Variants in SLC4A7 observed in about 807,000 individuals in gnomAD.
SLC4A7 encodes the protein sodium bicarbonate cotransporter 3.
A neutral mutation model predicts 137.6 loss-of-function variants in SLC4A7; 51 were observed. The ratio of observed to expected loss-of-function variants is 0.37; its 90% confidence interval spans 0.30 to 0.47. The LOEUF (loss-of-function observed/expected upper bound fraction) is 0.47, where lower values mean the gene tolerates loss of function less well. Among genes scored for constraint, SLC4A7 ranks in the 20% least tolerant of loss-of-function variants. The pLI is 1.00. For synonymous variants in SLC4A7, 542 were observed against 518.6 expected (o/e 1.05, Z -0.61); for missense variants, 1,247 against 1,525.4 (o/e 0.82, Z 3.04).
At chr3:27,452,795 T>C (rs995722291) in intron 1 of SLC4A7, among the ~76,000 whole-genome samples, 1 of 152,188 alleles carries the variant, frequency 6.6e-6, no homozygotes, top group African/African-American at 2.4e-5. Flanking sequence ...ACAGACCTTC[T>C]AGGGTCAGAG....
rs533741971 is a variant in SLC4A7 at position 27,431,522 on chromosome 3, G to A, written c.926C>T (p.Thr309Ile). ...RAGTPAGSRC[T>I]TPVPTPQNSP... ...GTTTTGAGGGGTGGGTACTGGGGTT[G>A]TACACCTTGAGCCTGCAGGGGTTCC... The change falls in exon 7 of 26, where the codon ACA becomes ATA. Residue 309 changes from threonine to isoleucine, a missense_variant. Physicochemically the swap from Thr to Ile is moderately conservative, Grantham distance 89. This residue lies in a region of SLC4A7 where 223 missense variants were observed against 203.6 expected (regional missense o/e 1.10). Coordinates refer to ENST00000454389, the MANE Select transcript of SLC4A7 (RefSeq NM_001321103.2). 2 of 1,614,118 alleles carry A rather than the reference G, an allele frequency of 1.2e-6. No homozygotes were observed. The highest frequency in any genetic ancestry group is 2.2e-5 in the South Asian group (2 of 91,074).
intron 14 of SLC4A7, among the ~76,000 whole-genome samples, chr3:27,404,305 T>G (rs982582327): frequency 6.6e-6 from 1 of 152,196 alleles, no homozygotes; most frequent in Non-Finnish European, 1.5e-5. Flanking sequence ...AGGCAGAGGT[T>G]GCAGTGAGCC....
intron 12 of SLC4A7, among the ~76,000 whole-genome samples, chr3:27,410,611 A>G (rs919848773): frequency 2.0e-5 from 3 of 152,216 alleles, no homozygotes; most frequent in African/African-American, 7.2e-5. Flanking sequence ...AATCTACAGT[A>G]TATCATCAAA....
chr3:27,393,287 C>A (rs1436061385), intron 20 of SLC4A7, among the ~76,000 whole-genome samples: 1 of 152,064 alleles, frequency 6.6e-6, no homozygotes, highest in Non-Finnish European at 1.5e-5. Flanking sequence ...CATAAAAGTA[C>A]AAAAACCAAA....
In SLC4A7 at chr3:27,374,937, G is replaced by A. The variant is rs116233344; in HGVS notation, c.*1827C>T. ...AATGGAAGCTCATAAACAATAATAAGCACCGTGGGTAATACTCTATCAATT... is the reference window on the plus strand; with the variant it reads ...AATGGAAGCTCATAAACAATAATAAACACCGTGGGTAATACTCTATCAATT... On this transcript the variant is annotated 3_prime_UTR_variant, in exon 26 of 26. Transcript: ENST00000454389. 1.3e-5 allele frequency: 2 copies of A among 152,504 alleles called. No homozygotes were observed. The highest frequency in any genetic ancestry group is 6.5e-5 in the Admixed American group (1 of 15,272). The allele number at this position is 152,504 out of a possible 1,614,324, so 9.4% of individuals were successfully genotyped here.
chr3:27,464,470 G>C (rs563224108), intron 1 of SLC4A7, among the ~76,000 whole-genome samples: 12 of 152,192 alleles, frequency 7.9e-5, no homozygotes, highest in Non-Finnish European at 1.6e-4. Context: ...CACTTTGGGA[G>C]GCCGAGGCAG....
chr3:27,459,794 AT>A (rs1423141933), intron 1 of SLC4A7, among the ~76,000 whole-genome samples: 1 of 152,072 alleles, frequency 6.6e-6, no homozygotes, highest in African/African-American at 2.4e-5. Context: ...ATATAATTAC[AT>A]TCTGTTGTGT....
intron 11 of SLC4A7, among the ~76,000 whole-genome samples, chr3:27,415,202 G>T (rs1450702330): frequency 1.3e-5 from 2 of 152,290 alleles, no homozygotes; most frequent in South Asian, 2.1e-4. Flanking sequence ...GTTTTGGGTG[G>T]CCAGATGCAT....
At chr3:27,396,115 T>C (rs2052134028) in intron 18 of SLC4A7, among the ~76,000 whole-genome samples, 2 of 152,198 alleles carry the variant, frequency 1.3e-5, no homozygotes. Context: ...CAACTTGGTA[T>C]TAAGCTTGTT....
In SLC4A7 at chr3:27,468,776, C is replaced by T. The variant is rs545565912; in HGVS notation, c.60+15291G>A. 7.2e-5 allele frequency among the ~76,000 whole-genome samples: 11 copies of T among 152,094 alleles called. No individual in the cohort carries two copies. In the South Asian group the frequency reaches 2.3e-3, roughly 32 times the overall value. ...AACAAGATGTTGCATGCAATGAATA[C>T]AGTTTAGAAACATTTCTGGTACAAT... On this transcript the variant is annotated intron_variant, in intron 1 of 25. Transcript: ENST00000454389.
Position 27,448,646 on chromosome 3 carries a change from C to G in SLC4A7, c.289+5G>C, listed in dbSNP as rs143173791. On this transcript the variant is annotated splice_donor_5th_base_variant and intron_variant, in intron 3 of 25. Coordinates refer to ENST00000454389, the MANE Select transcript of SLC4A7 (RefSeq NM_001321103.2). ...AACTGCTAAAGAAGAACTGTTTTCT[C>G]TTACCATAAGAAGGAGATTCCCGTC... 54 of 1,606,380 alleles carry G rather than the reference C, an allele frequency of 3.4e-5. No individual in the cohort carries two copies. In the African/African-American group the frequency reaches 6.3e-4, roughly 19 times the overall value.
intron 8 of SLC4A7, 190 bp downstream of exon 8, chr3:27,423,846 TC>T: frequency 2.0e-6 from 1 of 511,212 alleles, no homozygotes. Context: ...ATTCAAGTAC[TC>T]ACAGGTTAAC....
At chr3:27,413,643 T>G (rs1448629691) in intron 11 of SLC4A7, among the ~76,000 whole-genome samples, 1 of 152,172 alleles carries the variant, frequency 6.6e-6, no homozygotes, top group African/African-American at 2.4e-5. Flanking sequence ...GAAAAGGCAT[T>G]TGATAAAATT....
intron 2 of SLC4A7, among the ~76,000 whole-genome samples, chr3:27,451,731 C>A (rs2058086774): frequency 2.6e-5 from 4 of 152,074 alleles, no homozygotes. Flanking sequence ...TAAATAAAAT[C>A]TGTGGTTTAA....
intron 7 of SLC4A7, among the ~76,000 whole-genome samples, chr3:27,427,469 T>C (rs535021724): frequency 6.6e-6 from 1 of 152,184 alleles, no homozygotes; most frequent in African/African-American, 2.4e-5. Flanking sequence ...ATTTATACAA[T>C]TTATAATTTT....
Position 27,431,688 on chromosome 3 carries a change from A to G in SLC4A7, c.779-19T>C. 2.0e-6 allele frequency: 3 copies of G among 1,507,634 alleles called. No individual in the cohort carries two copies. The highest frequency in any genetic ancestry group is 1.8e-6 in the Non-Finnish European group (2 of 1,128,190). The allele number at this position is 1,507,634 out of a possible 1,614,324, so 93.4% of individuals were successfully genotyped here. A position where few individuals can be genotyped will look rare whatever the true frequency, so the allele number is the denominator to read the frequency against. ...CCTTCCCCTGAGATAAAACAAATAA[A>G]TGAAAAATGATGAAGTCCACTGCAG... On this transcript the variant is annotated intron_variant, in intron 6 of 25. Transcript: ENST00000454389.
At chr3:27,398,025 T>G (rs993438502) in intron 17 of SLC4A7, 167 bp downstream of exon 17, 1 of 629,282 alleles carries the variant, frequency 1.6e-6, no homozygotes, top group African/African-American at 1.8e-5. Flanking sequence ...CTTCCTACTG[T>G]GAGCTCAGGC....
intron 3 of SLC4A7, among the ~76,000 whole-genome samples, chr3:27,440,796 C>G (rs1487860737): frequency 1.3e-5 from 2 of 148,204 alleles, no homozygotes; most frequent in Non-Finnish European, 3.0e-5. Flanking sequence ...GTAATCCCAG[C>G]CACTTTGGGA....
At chr3:27,410,814 T>A (rs996539563) in intron 12 of SLC4A7, among the ~76,000 whole-genome samples, 2 of 152,178 alleles carry the variant, frequency 1.3e-5, no homozygotes, top group African/African-American at 4.8e-5. Flanking sequence ...AAACACTTCA[T>A]TAGTCAATGA....
Sources: allele counts gnomAD v4.1 joint callset (sites outside exome capture counted in the v4.1 genomes callset), GRCh38; gene constraint gnomAD v4.1.1; regional missense constraint gnomAD v4.1.1; transcripts MANE v1.5; gene names NCBI Gene and HGNC (gene_info 2026-07-23, HGNC 2026-07-21).